ME1: variants seen among roughly 807,000 people sequenced by gnomAD.
ME1 encodes NADP-dependent malic enzyme.
A neutral mutation model predicts 66.4 loss-of-function variants in ME1; 74 were observed. The observed-to-expected ratio is 1.11, with a 90% confidence interval of 0.92 to 1.35. The LOEUF (loss-of-function observed/expected upper bound fraction) is 1.35, where lower values mean the gene tolerates loss of function less well. Among genes scored for constraint, ME1 ranks in the 40% most tolerant of loss-of-function variants. The pLI is 0.00. For missense variants in ME1, 750 were observed against 694.1 expected (o/e 1.08, Z -0.90); for synonymous variants, 251 against 235.6 (o/e 1.07, Z -0.60).
Position 83,216,525 on chromosome 6 carries a change from T to A in ME1, c.1521A>T (p.Arg507Ser). 6.2e-7 allele frequency: 1 copy of A among 1,611,454 alleles called. No individual in the cohort carries two copies. The highest frequency in any genetic ancestry group is 1.1e-5 in the South Asian group (1 of 90,564). Residue 507 changes from arginine (R) to serine (S), a missense_variant, in exon 13 of 14, where the codon AGA becomes AGT. Physicochemically the swap from Arg to Ser is moderately radical, Grantham distance 110. Transcript: ENST00000369705. ...TTTCTGCAATTTTCAGAGAAACATC[T>A]CTAATGGTATTCAAAGGAGGATAAA... ...GRLYPPLNTI[R>S]DVSLKIAEKI...
chr6:83,359,101 G>A (rs1209700576), intron 3 of ME1, among the ~76,000 whole-genome samples: 3 of 151,318 alleles, frequency 2.0e-5, no homozygotes, highest in Non-Finnish European at 2.9e-5. Context: ...GGGCAGAGGC[G>A]CTCCTCACAT....
At chr6:83,236,426 T>C (rs1053596332) in intron 9 of ME1, among the ~76,000 whole-genome samples, 2 of 152,184 alleles carry the variant, frequency 1.3e-5, no homozygotes, top group African/African-American at 4.8e-5. Flanking sequence ...CACATTCACA[T>C]TTACTTCTAT....
At chr6:83,245,628 G>C (rs1790605135) in intron 7 of ME1, among the ~76,000 whole-genome samples, 1 of 152,104 alleles carries the variant, frequency 6.6e-6, no homozygotes, top group Non-Finnish European at 1.5e-5. Flanking sequence ...GGCTGGTCTT[G>C]AACTCGTGAC....
Position 83,339,985 on chromosome 6 carries a change from AAG to A in ME1, c.600+6186_600+6187del, listed in dbSNP as rs1198874403. 5.0e-4 allele frequency among the ~76,000 whole-genome samples: 75 copies of A among 150,310 alleles called. 4 individuals carry two copies. The highest frequency in any genetic ancestry group is 3.5e-3 in the Middle Eastern group (1 of 286). ...TAGAGTATAATAAAAAAAAAAAGAAAAGAAAAGAAATGTGAAATACTATATAA... is the reference window on the plus strand; with the variant it reads ...TAGAGTATAATAAAAAAAAAAAGAAAAAAAGAAATGTGAAATACTATATAA... On this transcript the variant is annotated intron_variant, in intron 5 of 13. Transcript: ENST00000369705.
intron 7 of ME1, 142 bp from the exon 8 acceptor site, chr6:83,239,778 C>A (rs9444054): frequency 1.7e-6 from 1 of 589,196 alleles, no homozygotes; most frequent in African/African-American, 1.9e-5. Flanking sequence ...CCCATGCTTG[C>A]ATACGTGGTA....
chr6:83,428,019 A>AG (rs1770405584), intron 1 of ME1, among the ~76,000 whole-genome samples: 1 of 152,048 alleles, frequency 6.6e-6, no homozygotes, highest in African/African-American at 2.4e-5. Context: ...CTCAAAAAAA[A>AG]AAAAAGGAAA....
At chr6:83,294,127 C>T (rs1767553163) in intron 6 of ME1, among the ~76,000 whole-genome samples, 1 of 152,182 alleles carries the variant, frequency 6.6e-6, no homozygotes, top group Admixed American at 6.5e-5. Flanking sequence ...CATTTACTTT[C>T]TGTGCAAGAA....
chr6:83,231,186 GAC>G (rs1790301092), intron 9 of ME1, among the ~76,000 whole-genome samples: 1 of 151,926 alleles, frequency 6.6e-6, no homozygotes, highest in Non-Finnish European at 1.5e-5. Flanking sequence ...TAATAAAAAA[GAC>G]AGATGAATAA....
rs117790649 is a variant in ME1 at position 83,241,341 on chromosome 6, A to G, written c.815-1705T>C. Among the ~76,000 whole-genome samples, 357 of 152,294 alleles carry G rather than the reference A, an allele frequency of 2.3e-3. 1 individual carries two copies. The highest frequency in any genetic ancestry group is 4.1e-3 in the Non-Finnish European group (280 of 68,002). On this transcript the variant is annotated intron_variant, in intron 7 of 13. Transcript: ENST00000369705. ...TAAGGGTTTCTATAAGATTTAACCA[A>G]TTGAAGCATCAAAGTTGAAGTATCA...
intron 12 of ME1, among the ~76,000 whole-genome samples, chr6:83,221,048 T>C (rs1004805967): frequency 6.6e-6 from 1 of 151,854 alleles, no homozygotes; most frequent in Non-Finnish European, 1.5e-5. Flanking sequence ...TAATCCCAGA[T>C]ACTTGGGAGG....
chr6:83,237,486 A>G (rs536341414), intron 9 of ME1, among the ~76,000 whole-genome samples: 49 of 152,300 alleles, frequency 3.2e-4, no homozygotes, highest in African/African-American at 1.1e-3. Context: ...TGGACTGTCA[A>G]TTCAAAGGGG....
chr6:83,312,265 C>T (rs528206464), intron 6 of ME1, among the ~76,000 whole-genome samples: 85 of 152,296 alleles, frequency 5.6e-4, no homozygotes, highest in Non-Finnish European at 9.7e-4. Context: ...TCCCCTCTCC[C>T]TGTTAGAGTA....
chr6:83,314,927 C>T (rs2128539140), intron 6 of ME1, among the ~76,000 whole-genome samples: 1 of 152,154 alleles, frequency 6.6e-6, no homozygotes, highest in African/African-American at 2.4e-5. Flanking sequence ...AGTCAAATAC[C>T]AGCTACAAAG....
intron 9 of ME1, among the ~76,000 whole-genome samples, chr6:83,237,296 G>GA (rs1174517863): frequency 1.8e-5 from 1 of 54,154 alleles, no homozygotes; most frequent in African/African-American, 8.1e-5. Context: ...AGGAAGGAAA[G>GA]AAAGAAAAAG....
chr6:83,349,790 AC>A (rs1768763433), intron 4 of ME1, among the ~76,000 whole-genome samples: 1 of 152,178 alleles, frequency 6.6e-6, no homozygotes, highest in African/African-American at 2.4e-5. Flanking sequence ...TAATTTGATT[AC>A]CCCTTAAACA....
chr6:83,313,508 C>T (rs184305170), intron 6 of ME1, among the ~76,000 whole-genome samples: 1 of 152,266 alleles, frequency 6.6e-6, no homozygotes, highest in African/African-American at 2.4e-5. Context: ...AACTCCTTCT[C>T]CCCTTATTTC....
intron 6 of ME1, among the ~76,000 whole-genome samples, chr6:83,289,761 C>A (rs1427812390): frequency 6.6e-6 from 1 of 151,980 alleles, no homozygotes; most frequent in Admixed American, 6.6e-5. Flanking sequence ...CCATCTGGTC[C>A]TCGACTTTTT....
Position 83,237,440 on chromosome 6 carries a change from G to GAAAGA in ME1, c.1026+276_1026+277insTCTTT, listed in dbSNP as rs1790438014. On this transcript the variant is annotated intron_variant, in intron 9 of 13. Transcript: ENST00000369705. ...AGAAAGAAAGAGAAAGGAAAGAAAGGAAGGAAAGAAAGAAAGAAAACTAAA... is the reference window on the plus strand; with the variant it reads ...AGAAAGAAAGAGAAAGGAAAGAAAGGAAAGAAAGGAAAGAAAGAAAGAAAACTAAA... Among the ~76,000 whole-genome samples, 3 of 149,550 alleles carry GAAAGA rather than the reference G, an allele frequency of 2.0e-5. No individual in the cohort carries two copies. The South Asian group carries it at 6.4e-4, about 32-fold the overall frequency.
chr6:83,317,365 G>A (rs1768055117), intron 5 of ME1, among the ~76,000 whole-genome samples: 1 of 151,738 alleles, frequency 6.6e-6, no homozygotes, highest in African/African-American at 2.4e-5. Flanking sequence ...AGTTCTCCTT[G>A]AAGAGGTCCT....
Sources: allele counts gnomAD v4.1 joint callset (sites outside exome capture counted in the v4.1 genomes callset), GRCh38; gene constraint gnomAD v4.1.1; transcripts MANE v1.5; gene names NCBI Gene and HGNC (gene_info 2026-07-23, HGNC 2026-07-21).